Variants in RAMP1 observed in about 807,000 individuals in gnomAD.
RAMP1 encodes the protein receptor activity modifying protein 1.
A neutral mutation model predicts 8.2 loss-of-function variants in RAMP1; 7 were observed. The ratio of observed to expected loss-of-function variants is 0.85; its 90% CI spans 0.49 to 1.60. The LOEUF (loss-of-function observed/expected upper bound fraction) is 1.60, where lower values mean the gene tolerates loss of function less well. Among genes scored for constraint, RAMP1 ranks in the 40% most tolerant of loss-of-function variants. The pLI, the probability that RAMP1 is intolerant of heterozygous loss-of-function variation, is 0.00. For synonymous variants in RAMP1, 92 were observed against 84.7 expected (o/e 1.09, Z -0.47); for missense variants, 192 against 202.4 (o/e 0.95, Z 0.31).
intron 1 of RAMP1, among the ~76,000 whole-genome samples, chr2:237,876,365 C>T (rs2062303361): frequency 6.6e-6 from 1 of 152,194 alleles, no homozygotes; most frequent in South Asian, 2.1e-4. Context: ...CAGCGTCTCC[C>T]AGGGCAGCTC....
intron 2 of RAMP1, among the ~76,000 whole-genome samples, chr2:237,885,920 C>A (rs1031995099): frequency 4.6e-5 from 7 of 152,208 alleles, no homozygotes; most frequent in African/African-American, 9.6e-5. Flanking sequence ...GCCAGCCCCG[C>A]GGGAGGCAGA....
intron 2 of RAMP1, among the ~76,000 whole-genome samples, chr2:237,885,321 C>A (rs1319877931): frequency 2.6e-5 from 4 of 152,310 alleles, no homozygotes; most frequent in South Asian, 4.2e-4. Context: ...GTTCACAGAG[C>A]CCTGCCCGCC....
intron 1 of RAMP1, among the ~76,000 whole-genome samples, chr2:237,871,755 A>C (rs1208335217): frequency 6.6e-6 from 1 of 152,184 alleles, no homozygotes; most frequent in Non-Finnish European, 1.5e-5. Context: ...TGTGTTCTAA[A>C]ATGTATGCAA....
At chr2:237,883,907 G>A (rs1037169953) in intron 2 of RAMP1, among the ~76,000 whole-genome samples, 7 of 143,902 alleles carry the variant, frequency 4.9e-5, no homozygotes, top group African/African-American at 1.9e-4. Flanking sequence ...TGGCCTGTAG[G>A]TCCACTTTTT....
intron 1 of RAMP1, among the ~76,000 whole-genome samples, chr2:237,860,487 C>T (rs915671183): frequency 1.3e-5 from 2 of 152,170 alleles, no homozygotes; most frequent in Non-Finnish European, 2.9e-5. Context: ...ACTGGCCACA[C>T]ACTCGGCAAG....
Position 237,902,300 on chromosome 2 carries a change from G to GAGGAGGGGCTGGGAGGAAGA in RAMP1, c.192-9211_192-9210insAGAAGGAGGGGCTGGGAGGA, listed in dbSNP as rs369285377. Among the ~76,000 whole-genome samples the GAGGAGGGGCTGGGAGGAAGA allele has an allele frequency of 5.8e-3, 849 of 145,786 alleles. 4 individuals carry two copies. Among genetic ancestry groups the GAGGAGGGGCTGGGAGGAAGA allele is most frequent in the African/African-American group, 0.011 (412 of 38,584 alleles). The stretch of plus-strand genomic sequence containing the variant: ...AGGGGTAAGGAGGGATCGGGAGGAG[G>GAGGAGGGGCTGGGAGGAAGA]AGGAGGGGCTGGGAGGAGGAGGGAG... On this transcript the variant is annotated intron_variant, in intron 2 of 2. Coordinates refer to ENST00000254661, the MANE Select transcript of RAMP1 (RefSeq NM_005855.4).
intron 2 of RAMP1, among the ~76,000 whole-genome samples, chr2:237,886,552 C>G (rs2062435242): frequency 6.6e-6 from 1 of 152,104 alleles, no homozygotes; most frequent in African/African-American, 2.4e-5. Flanking sequence ...GTTGGGGGAG[C>G]TTGGAGGCTG....
At chr2:237,904,870 G>A (rs541077404) in intron 2 of RAMP1, among the ~76,000 whole-genome samples, 1 of 152,200 alleles carries the variant, frequency 6.6e-6, no homozygotes, top group Non-Finnish European at 1.5e-5. Context: ...CCAGGTCTAT[G>A]GGTGACAGGG....
chr2:237,875,014 C>T (rs867439235), intron 1 of RAMP1, among the ~76,000 whole-genome samples: 7 of 152,060 alleles, frequency 4.6e-5, no homozygotes, highest in Non-Finnish European at 7.4e-5. Flanking sequence ...ATGCCAGGAG[C>T]AGTGAGGGAT....
chr2:237,859,095 T>C (rs1164296203), upstream of RAMP1: 1 of 152,488 alleles, frequency 6.6e-6, no homozygotes, highest in Non-Finnish European at 1.5e-5. Context: ...CACCCACTCA[T>C]CCTGCAGATC....
chr2:237,909,299 A>G (rs2151024545), intron 2 of RAMP1, among the ~76,000 whole-genome samples: 1 of 152,278 alleles, frequency 6.6e-6, no homozygotes, highest in South Asian at 2.1e-4. Flanking sequence ...TTCCCTGTCT[A>G]CAAAACAATG....
At chr2:237,906,307 T>C (rs990233611) in intron 2 of RAMP1, among the ~76,000 whole-genome samples, 3 of 152,138 alleles carry the variant, frequency 2.0e-5, no homozygotes, top group African/African-American at 7.2e-5. Context: ...ATGCCTCATC[T>C]ACTAGGCCTC....
At chr2:237,863,021 C>T (rs138679526) in intron 1 of RAMP1, among the ~76,000 whole-genome samples, 39 of 152,282 alleles carry the variant, frequency 2.6e-4, no homozygotes, top group Non-Finnish European at 3.8e-4. Flanking sequence ...TGACCCATAA[C>T]GTTTGAGATG....
chr2:237,873,689 G>C (rs1245871794), intron 1 of RAMP1, among the ~76,000 whole-genome samples: 1 of 152,218 alleles, frequency 6.6e-6, no homozygotes, highest in Non-Finnish European at 1.5e-5. Flanking sequence ...AGTTATGAAT[G>C]ATTACATTTG....
chr2:237,868,997 C>A (rs1015356852), intron 1 of RAMP1, among the ~76,000 whole-genome samples: 3 of 152,144 alleles, frequency 2.0e-5, no homozygotes, highest in Non-Finnish European at 4.4e-5. Flanking sequence ...CCCGTAAGCC[C>A]GTGGGAGGAG....
At position 237,911,529 on chromosome 2, in the gene RAMP1, A is replaced by C; in HGVS notation, c.193A>C (p.Ser65Arg). ...TACCACCTCCTCTTCCATCCGCAGG[A>C]GCTACAGGGAGCTGGCCGACTGCAC... ...LWCDWGRTIR[S>R]YRELADCTWH... The change falls in exon 3 of 3, where the codon AGC (serine) becomes CGC (arginine). Residue 65 changes from serine to arginine, a missense_variant and splice_region_variant. Transcript: ENST00000254661. 6.2e-7 allele frequency: 1 copy of C among 1,613,906 alleles called. No homozygotes were observed. Among genetic ancestry groups the C allele is most frequent in the Non-Finnish European group, 8.5e-7 (1 of 1,179,894 alleles).
At chr2:237,859,773 G>A in intron 1 of RAMP1, 46 bp downstream of exon 1, 2 of 1,462,776 alleles carry the variant, frequency 1.4e-6, no homozygotes, top group Non-Finnish European at 1.8e-6. Flanking sequence ...CCCCTGGCCA[G>A]CCGGTGTCCT....
At chr2:237,889,069 A>G (rs2062463858) in intron 2 of RAMP1, among the ~76,000 whole-genome samples, 1 of 152,150 alleles carries the variant, frequency 6.6e-6, no homozygotes, top group African/African-American at 2.4e-5. Context: ...CCGGCCATAG[A>G]TTCTTGAAGA....
rs559373072 is a variant in RAMP1, at chr2:237,884,217, C to T, written c.191+6855C>T. ...CTGAAAAGTGGCTGAATGAGCTCAG[C>T]GGGGCCAGGCTCCCCTGCAAGCTGG... is the stretch of plus-strand genomic sequence containing the variant. On this transcript the variant is annotated intron_variant, in intron 2 of 2. Transcript: ENST00000254661. 3.4e-4 allele frequency among the ~76,000 whole-genome samples: 51 copies of T among 152,238 alleles called. 1 individual carries two copies. Among genetic ancestry groups the T allele is most frequent in the Middle Eastern group, 6.8e-3 (2 of 294 alleles).
Sources: gnomAD v4.1 joint callset for allele counts (sites outside exome capture counted in the v4.1 genomes callset) on GRCh38, gnomAD v4.1.1 for gene constraint, MANE v1.5 for transcripts, NCBI Gene and HGNC (gene_info 2026-07-23, HGNC 2026-07-21) for gene names.